ABCA13: variants seen among roughly 807,000 people sequenced by gnomAD.
ABCA13 encodes ATP-binding cassette sub-family A member 13.
ABCA13 carries 476 observed loss-of-function variants against 478.7 expected under a neutral mutation model. The ratio of observed to expected loss-of-function variants is 0.99; its 90% CI spans 0.92 to 1.07. The LOEUF (loss-of-function observed/expected upper bound fraction) is 1.07. Ranked by LOEUF, ABCA13 falls within the 50% of genes least tolerant of loss-of-function variation. The pLI is 0.00. For synonymous variants in ABCA13, 2,252 were observed against 2,158.9 expected (o/e 1.04, Z -1.20); for missense variants, 6,060 against 5,910.6 (o/e 1.03, Z -0.83).
intron 39 of ABCA13, among the ~76,000 whole-genome samples, chr7:48,408,313 A>G: frequency 6.6e-6 from 1 of 151,850 alleles, no homozygotes; most frequent in African/African-American, 2.4e-5. Flanking sequence ...TTTAGATTCT[A>G]GTTGACTTTT....
chr7:48,593,413 A>G (rs1789966520), intron 57 of ABCA13, among the ~76,000 whole-genome samples: 1 of 151,796 alleles, frequency 6.6e-6, no homozygotes, highest in Admixed American at 6.6e-5. Context: ...GCTTCCAACC[A>G]TCTCATTTTA....
chr7:48,484,522 T>C (rs1280126761), intron 47 of ABCA13, among the ~76,000 whole-genome samples: 4 of 152,324 alleles, frequency 2.6e-5, no homozygotes, highest in African/African-American at 9.6e-5. Context: ...GACTTTTTAG[T>C]CTATCCCAAT....
chr7:48,552,496 T>C (rs1563427688), intron 55 of ABCA13, among the ~76,000 whole-genome samples: 5 of 151,718 alleles, frequency 3.3e-5, no homozygotes. Context: ...ATAGGTTGAA[T>C]AGAAATGTAT....
At chr7:48,200,968 G>A (rs1361618555) in intron 3 of ABCA13, among the ~76,000 whole-genome samples, 1 of 148,342 alleles carries the variant, frequency 6.7e-6, no homozygotes, top group Non-Finnish European at 1.5e-5. Flanking sequence ...CCCAAGTCCA[G>A]CGGAGACAAA....
chr7:48,563,613 T>C (rs1033383735), intron 55 of ABCA13, among the ~76,000 whole-genome samples: 1 of 152,116 alleles, frequency 6.6e-6, no homozygotes, highest in African/African-American at 2.4e-5. Flanking sequence ...CCAAGTCTCA[T>C]AGAGGAAGGG....
intron 31 of ABCA13, 59 bp downstream of exon 31, chr7:48,352,546 G>T (rs1809200517): frequency 6.9e-7 from 1 of 1,454,666 alleles, no homozygotes; most frequent in African/African-American, 1.4e-5. Context: ...TTGTCTAGCT[G>T]AGGAGAGAAA....
intron 59 of ABCA13, among the ~76,000 whole-genome samples, chr7:48,637,719 C>A (rs1236699934): frequency 6.6e-6 from 1 of 152,090 alleles, no homozygotes; most frequent in East Asian, 1.9e-4. Context: ...TTTTATCCCA[C>A]TGACTTGGCT....
chr7:48,627,145 T>C (rs1203357681), intron 59 of ABCA13: 1 of 725,910 alleles, frequency 1.4e-6, no homozygotes, highest in East Asian at 1.3e-4. Flanking sequence ...ATGGCTATTA[T>C]TGTACCCACT....
intron 40 of ABCA13, among the ~76,000 whole-genome samples, chr7:48,411,508 A>G (rs1819234352): frequency 6.6e-6 from 1 of 152,008 alleles, no homozygotes; most frequent in Admixed American, 6.6e-5. Flanking sequence ...GGGTTTTACC[A>G]TGTTGGCCAG....
intron 20 of ABCA13, among the ~76,000 whole-genome samples, chr7:48,293,195 C>CG (rs1554419640): frequency 7.6e-6 from 1 of 130,892 alleles, no homozygotes; most frequent in Admixed American, 7.4e-5. Context: ...GTCTTCAGCC[C>CG]CCCCCCCGCC....
At chr7:48,442,478 T>G (rs35132202) in intron 42 of ABCA13, among the ~76,000 whole-genome samples, 45,285 of 152,138 alleles carry the variant, frequency 0.3, 6,831 homozygotes, top group East Asian at 0.38. Flanking sequence ...TTGGGTCCTT[T>G]TTTAAAATAA....
At chr7:48,405,014 T>G (rs1818079911) in intron 39 of ABCA13, among the ~76,000 whole-genome samples, 1 of 152,214 alleles carries the variant, frequency 6.6e-6, no homozygotes, top group South Asian at 2.1e-4. Context: ...GGCTCCTCAA[T>G]CATGGTGCAG....
chr7:48,359,556 C>T (rs1332473532), intron 31 of ABCA13, among the ~76,000 whole-genome samples: 1 of 151,840 alleles, frequency 6.6e-6, no homozygotes, highest in East Asian at 1.9e-4. Flanking sequence ...TCAGCAGTTG[C>T]CCCCAGCTAT....
Position 48,198,248 on chromosome 7 carries a change from C to A in ABCA13, c.175C>A (p.Pro59Thr). 1 of 1,611,652 alleles carries A rather than the reference C, an allele frequency of 6.2e-7. No homozygotes were observed. Among genetic ancestry groups the A allele is most frequent in the African/African-American group, 1.3e-5 (1 of 74,944 alleles). The change falls in exon 3 of 62, where the codon CCC (proline) becomes ACC (threonine). Residue 59 changes from proline (P) to threonine (T), a missense_variant. By Grantham distance (38) the Pro-to-Thr change is conservative (BLOSUM62 -1). This residue lies in a region of ABCA13 where 4,423 missense variants were observed against 4,309.1 expected (regional missense o/e 1.03). Transcript: ENST00000435803. ...PRYRDICYLQPRDLPSCGVIP... is the reference protein window; with the variant it reads ...PRYRDICYLQTRDLPSCGVIP... ...GCATCTATTTCTAGGTTATTTGCAG[C>A]CCCGAGATCTACCCAGCTGTGGTGT...
chr7:48,574,366 C>T (rs1787962590), intron 55 of ABCA13, among the ~76,000 whole-genome samples: 2 of 152,130 alleles, frequency 1.3e-5, no homozygotes, highest in African/African-American at 4.8e-5. Context: ...TGACTGAAAG[C>T]CACGTTCATT....
At chr7:48,612,898 T>C (rs183643731) in intron 58 of ABCA13, among the ~76,000 whole-genome samples, 59 of 152,198 alleles carry the variant, frequency 3.9e-4, no homozygotes, top group East Asian at 3.9e-4. Context: ...CTCATTGTTT[T>C]TGAAGTGACG....
chr7:48,283,395 G>A (rs1372569796), intron 19 of ABCA13, among the ~76,000 whole-genome samples: 1 of 152,130 alleles, frequency 6.6e-6, no homozygotes, highest in Admixed American at 6.5e-5. Flanking sequence ...ATGGCCATGA[G>A]GGTGAGAGTG....
chr7:48,322,105 C>T (rs1478794764), intron 27 of ABCA13, among the ~76,000 whole-genome samples: 1 of 152,218 alleles, frequency 6.6e-6, no homozygotes, highest in Non-Finnish European at 1.5e-5. Context: ...ACTACCTTTT[C>T]TTTGCATCCC....
intron 53 of ABCA13, among the ~76,000 whole-genome samples, chr7:48,523,297 A>G (rs1408848691): frequency 1.3e-5 from 2 of 152,188 alleles, no homozygotes; most frequent in African/African-American, 4.8e-5. Context: ...GTGATTTTAT[A>G]TGTGGAAAAA....
Sources: allele counts gnomAD v4.1 joint callset (sites outside exome capture counted in the v4.1 genomes callset), GRCh38; gene constraint gnomAD v4.1.1; regional missense constraint gnomAD v4.1.1; transcripts MANE v1.5; gene names NCBI Gene and HGNC (gene_info 2026-07-23, HGNC 2026-07-21).